CACNA2D3: variants seen among roughly 807,000 people sequenced by gnomAD.
CACNA2D3 encodes calcium voltage-gated channel auxiliary subunit alpha2delta 3, also known as voltage-dependent calcium channel subunit alpha-2/delta-3.
In CACNA2D3, 60 loss-of-function variants were observed where a neutral mutation model predicts 160.6. That is an observed-to-expected ratio of 0.37 (90% CI 0.30 to 0.46). The LOEUF is 0.46. Among genes scored for constraint, CACNA2D3 ranks in the 20% least tolerant of loss-of-function variants. The pLI is 1.00. For missense variants in CACNA2D3, 1,205 were observed against 1,365.0 expected (o/e 0.88, Z 1.85); for synonymous variants, 558 against 492.9 (o/e 1.13, Z -1.75).
chr3:54,163,685 A>G (rs191721856), intron 2 of CACNA2D3, among the ~76,000 whole-genome samples: 19 of 152,302 alleles, frequency 1.2e-4, no homozygotes, highest in Admixed American at 1.2e-3. Context: ...GGGTAATGAC[A>G]TAATCTAGTT....
At chr3:54,750,288 A>C (rs998260739) in intron 11 of CACNA2D3, among the ~76,000 whole-genome samples, 1 of 152,068 alleles carries the variant, frequency 6.6e-6, no homozygotes, top group Non-Finnish European at 1.5e-5. Flanking sequence ...ATGAAGATAG[A>C]CTCATAGCTT....
rs1356415616 is a variant in CACNA2D3 at position 54,752,624 on chromosome 3, G to A, written c.1193G>A (p.Gly398Glu). The A allele has an allele frequency of 1.2e-6, 2 of 1,613,488 alleles. No homozygotes were observed. The highest frequency in any genetic ancestry group is 1.7e-6 in the Non-Finnish European group (2 of 1,179,760). The stretch of plus-strand genomic sequence containing the variant: ...GTTCGCATCTTCACATACCTCATTG[G>A]ACGAGAGGCTGCGTTTGCAGACAAT... ...RKVRIFTYLI[G>E]REAAFADNLK... The change falls in exon 12 of 38, where the codon GGA (glycine) becomes GAA (glutamate). Residue 398 changes from glycine (G) to glutamate (E), a missense_variant. Around this residue, in one of 3 missense-constraint regions of CACNA2D3, gnomAD observed 911 missense variants for 1,002.2 expected, o/e 0.91. Transcript: ENST00000474759.
chr3:54,411,816 A>G (rs1484500606), intron 4 of CACNA2D3, among the ~76,000 whole-genome samples: 16 of 152,350 alleles, frequency 1.1e-4, no homozygotes. Flanking sequence ...GAAACAAAAA[A>G]CAAAAAAGAG....
At chr3:54,978,118 C>T (rs1702431090) in intron 29 of CACNA2D3, among the ~76,000 whole-genome samples, 1 of 152,132 alleles carries the variant, frequency 6.6e-6, no homozygotes, top group Non-Finnish European at 1.5e-5. Flanking sequence ...TTCTTTACTG[C>T]ATCCTGTTTA....
intron 5 of CACNA2D3, among the ~76,000 whole-genome samples, chr3:54,548,263 A>C (rs1021637176): frequency 1.3e-5 from 2 of 152,220 alleles, no homozygotes; most frequent in Non-Finnish European, 2.9e-5. Context: ...ATTTTCATCT[A>C]AATAAATGTA....
At chr3:54,309,513 G>C (rs1703682468) in intron 2 of CACNA2D3, among the ~76,000 whole-genome samples, 1 of 151,950 alleles carries the variant, frequency 6.6e-6, no homozygotes, top group Non-Finnish European at 1.5e-5. Context: ...ATCTGGAAGT[G>C]GTGGAAATCT....
chr3:54,566,915 AG>A (rs1702418311), intron 6 of CACNA2D3, among the ~76,000 whole-genome samples: 1 of 152,202 alleles, frequency 6.6e-6, no homozygotes, highest in Non-Finnish European at 1.5e-5. Context: ...TATCAAGTTC[AG>A]GTTCTGTGCA....
Position 54,837,249 on chromosome 3 carries a change from C to G in CACNA2D3, c.1470+19C>G. The G allele has an allele frequency of 6.2e-7, 1 of 1,610,222 alleles. No individual in the cohort carries two copies. Among genetic ancestry groups the G allele is most frequent in the Non-Finnish European group, 8.5e-7 (1 of 1,176,504 alleles). On this transcript the variant is annotated intron_variant, in intron 15 of 37. Coordinates refer to ENST00000474759, the MANE Select transcript of CACNA2D3 (RefSeq NM_018398.3). ...CGAAACCGTGAGTACAGTCGCTGAGCTTCCTGCTTGATGCTAGGAGGGTGG... is the reference window on the plus strand; with the variant it reads ...CGAAACCGTGAGTACAGTCGCTGAGGTTCCTGCTTGATGCTAGGAGGGTGG...
intron 5 of CACNA2D3, among the ~76,000 whole-genome samples, chr3:54,508,917 T>C (rs186769876): frequency 3.7e-4 from 56 of 152,308 alleles, no homozygotes; most frequent in African/African-American, 1.3e-3. Flanking sequence ...TAGGTTCTTC[T>C]AAAAAGCCCA....
At chr3:54,133,311 C>G (rs879907317) in intron 2 of CACNA2D3, among the ~76,000 whole-genome samples, 3 of 152,134 alleles carry the variant, frequency 2.0e-5, no homozygotes, top group African/African-American at 4.8e-5. Flanking sequence ...TCTTTAACAT[C>G]TGAGACAGAG....
At chr3:54,669,224 C>CT (rs933551099) in intron 11 of CACNA2D3, among the ~76,000 whole-genome samples, 2 of 152,182 alleles carry the variant, frequency 1.3e-5, no homozygotes, top group African/African-American at 4.8e-5. Flanking sequence ...ATCCTTAATA[C>CT]TTTTCACAAT....
intron 4 of CACNA2D3, among the ~76,000 whole-genome samples, chr3:54,461,514 C>T (rs373636774): frequency 0.051 from 7,582 of 150,088 alleles, 705 homozygotes; most frequent in African/African-American, 0.18. Flanking sequence ...GGAGGGTGTA[C>T]GTGTCGAGGA....
intron 4 of CACNA2D3, among the ~76,000 whole-genome samples, chr3:54,428,146 A>G (rs1699935941): frequency 6.6e-6 from 1 of 152,232 alleles, no homozygotes; most frequent in South Asian, 2.1e-4. Context: ...TTTACCATGC[A>G]GCCCTTTCTT....
intron 4 of CACNA2D3, among the ~76,000 whole-genome samples, chr3:54,433,520 T>C (rs1013113167): frequency 6.6e-6 from 1 of 152,214 alleles, no homozygotes; most frequent in Non-Finnish European, 1.5e-5. Flanking sequence ...CATTAGAACA[T>C]GACTGATATT....
At chr3:54,971,006 A>C (rs1176078582) in intron 29 of CACNA2D3, among the ~76,000 whole-genome samples, 1 of 152,150 alleles carries the variant, frequency 6.6e-6, no homozygotes, top group East Asian at 1.9e-4. Flanking sequence ...AAAAACAAGT[A>C]AGGAAATATA....
rs551709397 is a variant in CACNA2D3, at chr3:54,796,698, C to T, written c.1381-20155C>T. 2.6e-5 allele frequency among the ~76,000 whole-genome samples: 4 copies of T among 152,324 alleles called. No homozygotes were observed. The South Asian group carries it at 8.3e-4, about 32-fold the overall frequency. ...GCATCTCACAGAGGACTGTCTGTCTCCCACAGCTCACACCTCTACTCTGGA... is the reference window on the plus strand; with the variant it reads ...GCATCTCACAGAGGACTGTCTGTCTTCCACAGCTCACACCTCTACTCTGGA... On this transcript the variant is annotated intron_variant, in intron 13 of 37. Coordinates refer to ENST00000474759, the MANE Select transcript of CACNA2D3 (RefSeq NM_018398.3).
Position 54,837,242 on chromosome 3 carries a change from C to T in CACNA2D3, c.1470+12C>T, listed in dbSNP as rs1698714888. 8 of 1,611,956 alleles carry T rather than the reference C, an allele frequency of 5.0e-6. No homozygotes were observed. Among genetic ancestry groups the T allele is most frequent in the South Asian group, 2.2e-5 (2 of 91,004 alleles). On this transcript the variant is annotated intron_variant, in intron 15 of 37. Coordinates refer to ENST00000474759, the MANE Select transcript of CACNA2D3 (RefSeq NM_018398.3). Reference sequence around the variant, plus strand: ...AGCAGAACGAAACCGTGAGTACAGTCGCTGAGCTTCCTGCTTGATGCTAGG... The same window carrying T: ...AGCAGAACGAAACCGTGAGTACAGTTGCTGAGCTTCCTGCTTGATGCTAGG...
At chr3:54,843,598 A>G (rs142749038) in intron 16 of CACNA2D3, among the ~76,000 whole-genome samples, 1 of 152,316 alleles carries the variant, frequency 6.6e-6, no homozygotes, top group East Asian at 1.9e-4. Context: ...CTTACATATG[A>G]AAGGGGTTGT....
chr3:54,516,689 C>T (rs566624888), intron 5 of CACNA2D3, among the ~76,000 whole-genome samples: 1 of 152,146 alleles, frequency 6.6e-6, no homozygotes, highest in Non-Finnish European at 1.5e-5. Flanking sequence ...AGAGCCCCAG[C>T]GGTTGAGTCC....
Sources: gnomAD v4.1 joint callset for allele counts (sites outside exome capture counted in the v4.1 genomes callset) on GRCh38, gnomAD v4.1.1 for gene constraint, gnomAD v4.1.1 regional missense constraint, MANE v1.5 for transcripts, NCBI Gene and HGNC (gene_info 2026-07-23, HGNC 2026-07-21) for gene names.